TNRC6B: variants seen among roughly 807,000 people sequenced by gnomAD.
The protein encoded by TNRC6B is trinucleotide repeat-containing gene 6B protein.
TNRC6B carries 52 observed loss-of-function variants against 203.6 expected under a neutral mutation model. The ratio of observed to expected loss-of-function variants is 0.26; its 90% CI spans 0.20 to 0.32. TNRC6B has a LOEUF of 0.32. TNRC6B is among the 10% of genes least tolerant of loss of function. The probability of loss-of-function intolerance (pLI) is 1.00; values close to 1 mark genes in which losing one functional copy is unlikely to be tolerated. For missense variants in TNRC6B, 1,923 were observed against 2,286.2 expected (o/e 0.84, Z 3.24); for synonymous variants, 838 against 845.7 (o/e 0.99, Z 0.16).
intron 3 of TNRC6B, among the ~76,000 whole-genome samples, chr22:40,260,032 G>A (rs1003822447): frequency 1.3e-5 from 2 of 152,120 alleles, no homozygotes; most frequent in African/African-American, 2.4e-5. Flanking sequence ...TATGTTCGAC[G>A]GGAAGAGCCA....
intron 11 of TNRC6B, among the ~76,000 whole-genome samples, chr22:40,284,015 GAAAT>G (rs2070752527): frequency 6.6e-6 from 1 of 152,228 alleles, no homozygotes; most frequent in Non-Finnish European, 1.5e-5. Context: ...TATCCTTGGT[GAAAT>G]AAATGTTTCC....
chr22:40,063,335 G>A (rs1382349092), intron 1 of TNRC6B, among the ~76,000 whole-genome samples: 2 of 152,064 alleles, frequency 1.3e-5, no homozygotes, highest in Admixed American at 6.5e-5. Flanking sequence ...TTTGTATTAC[G>A]TTTTGAGATT....
At chr22:40,143,079 G>A (rs907071266) in intron 3 of TNRC6B, among the ~76,000 whole-genome samples, 4 of 152,168 alleles carry the variant, frequency 2.6e-5, no homozygotes, top group Non-Finnish European at 5.9e-5. Flanking sequence ...AGAACAGTTG[G>A]TCAGTTGAAT....
At chr22:40,147,266 G>A (rs2068703503) in intron 3 of TNRC6B, among the ~76,000 whole-genome samples, 1 of 152,176 alleles carries the variant, frequency 6.6e-6, no homozygotes, top group African/African-American at 2.4e-5. Flanking sequence ...GAGACAGAAA[G>A]TGGAATGGTG....
At chr22:40,221,406 C>A (rs2069706421) in intron 1 of TNRC6B, among the ~76,000 whole-genome samples, 1 of 152,102 alleles carries the variant, frequency 6.6e-6, no homozygotes, top group Admixed American at 6.6e-5. Context: ...GATAATTCAT[C>A]TAGCTGAAGA....
intron 3 of TNRC6B, among the ~76,000 whole-genome samples, chr22:40,130,313 GGAAA>G (rs1275743955): frequency 2.0e-5 from 3 of 152,098 alleles, no homozygotes; most frequent in Admixed American, 6.5e-5. Context: ...TTTTGGAGGA[GGAAA>G]GAAAGAAAGG....
At chr22:40,272,539 T>C (rs1049772187) in intron 6 of TNRC6B, among the ~76,000 whole-genome samples, 7 of 152,214 alleles carry the variant, frequency 4.6e-5, no homozygotes, top group African/African-American at 1.4e-4. Flanking sequence ...GATGGAAGTT[T>C]CCAGGCAAGA....
At chr22:40,079,582 T>C (rs1251823703) in intron 1 of TNRC6B, among the ~76,000 whole-genome samples, 2 of 151,194 alleles carry the variant, frequency 1.3e-5, no homozygotes, top group East Asian at 3.9e-4. Flanking sequence ...TATATATATA[T>C]ATTTTTTATG....
intron 1 of TNRC6B, among the ~76,000 whole-genome samples, chr22:40,228,717 C>T (rs918660762): frequency 1.3e-5 from 2 of 151,246 alleles, no homozygotes; most frequent in Admixed American, 6.6e-5. Context: ...GTAGGGACGG[C>T]GTTTCACCAT....
At chr22:40,067,741 CCTT>C (rs1193696079) in intron 1 of TNRC6B, among the ~76,000 whole-genome samples, 1 of 152,024 alleles carries the variant, frequency 6.6e-6, no homozygotes. Context: ...GAGAATGCAC[CCTT>C]CTTCTACAGG....
chr22:40,199,926 A>G (rs957825511), intron 1 of TNRC6B, among the ~76,000 whole-genome samples: 4 of 151,858 alleles, frequency 2.6e-5, no homozygotes, highest in African/African-American at 7.3e-5. Context: ...CATCCTCCCT[A>G]CTAGCTGGGA....
At chr22:40,053,444 G>A (rs778281953) in intron 1 of TNRC6B, among the ~76,000 whole-genome samples, 2 of 151,834 alleles carry the variant, frequency 1.3e-5, no homozygotes, top group Admixed American at 6.6e-5. Flanking sequence ...GGTGCCAAGC[G>A]CAGGAATGAC....
At chr22:40,114,813 G>A (rs1167011916) in intron 1 of TNRC6B, among the ~76,000 whole-genome samples, 1 of 152,148 alleles carries the variant, frequency 6.6e-6, no homozygotes, top group Non-Finnish European at 1.5e-5. Context: ...CAGATGGTAG[G>A]ATTACCGTGT....
chr22:40,231,399 C>T (rs978109204), intron 1 of TNRC6B, among the ~76,000 whole-genome samples: 3 of 152,052 alleles, frequency 2.0e-5, no homozygotes, highest in African/African-American at 7.2e-5. Flanking sequence ...TCTTCACTTA[C>T]GTAGGTTTTT....
intron 21 of TNRC6B, among the ~76,000 whole-genome samples, chr22:40,317,888 G>T (rs1384373806): frequency 1.3e-5 from 2 of 152,160 alleles, no homozygotes; most frequent in African/African-American, 2.4e-5. Flanking sequence ...CATACAAAAT[G>T]CATTCTCTGG....
intron 2 of TNRC6B, among the ~76,000 whole-genome samples, chr22:40,123,265 G>C (rs544924858): frequency 5.3e-5 from 8 of 152,106 alleles, no homozygotes; most frequent in Non-Finnish European, 1.2e-4. Flanking sequence ...GCAGTGTTGG[G>C]GGATAGGGAG....
At chr22:40,105,072 TAAAG>T (rs2068271314) in intron 1 of TNRC6B, among the ~76,000 whole-genome samples, 1 of 152,002 alleles carries the variant, frequency 6.6e-6, no homozygotes, top group Admixed American at 6.6e-5. Context: ...CAAGTAAAGG[TAAAG>T]AAAGCACACG....
At chr22:40,300,386 A>G in intron 12 of TNRC6B, 69 bp from the exon 13 acceptor site, 1 of 1,409,582 alleles carries the variant, frequency 7.1e-7, no homozygotes, top group Non-Finnish European at 9.4e-7. Context: ...TTTTCACAGA[A>G]AAACAGTTTT....
intron 3 of TNRC6B, among the ~76,000 whole-genome samples, chr22:40,128,539 A>ATCACGGCTCACGGCTCACGGATCACGGC (rs2068513792): frequency 6.8e-6 from 1 of 147,786 alleles, no homozygotes; most frequent in African/African-American, 2.6e-5. Context: ...TGGTGGTATG[A>ATCACGGCTCACGGCTCACGGATCACGGC]TCACGGCTCA....
Sources: gnomAD v4.1 joint callset for allele counts (sites outside exome capture counted in the v4.1 genomes callset) on GRCh38, gnomAD v4.1.1 for gene constraint, MANE v1.5 for transcripts, NCBI Gene and HGNC (gene_info 2026-07-23, HGNC 2026-07-21) for gene names.